Variants in INTS3 observed in about 807,000 individuals in gnomAD.
INTS3 encodes the protein SOSS complex subunit A.
A neutral mutation model predicts 146.3 loss-of-function variants in INTS3; 34 were observed. The ratio of observed to expected loss-of-function variants is 0.23; its 90% confidence interval spans 0.18 to 0.31. The LOEUF (loss-of-function observed/expected upper bound fraction) is 0.31, where lower values mean the gene tolerates loss of function less well. Ranked by LOEUF, INTS3 falls within the 10% of genes least tolerant of loss-of-function variation. The pLI is 1.00. For synonymous variants in INTS3, 475 were observed against 494.9 expected (o/e 0.96, Z 0.53); for missense variants, 757 against 1,304.2 (o/e 0.58, Z 6.46).
intron 1 of INTS3, among the ~76,000 whole-genome samples, chr1:153,734,896 T>C (rs1368240811): frequency 6.6e-6 from 1 of 152,194 alleles, no homozygotes. Flanking sequence ...AGAAGTAGTG[T>C]CTGGGAGTGG....
intron 8 of INTS3, among the ~76,000 whole-genome samples, chr1:153,752,862 T>C (rs1308791820): frequency 6.6e-6 from 1 of 152,126 alleles, no homozygotes; most frequent in Admixed American, 6.5e-5. Context: ...GGATCCAGCT[T>C]GGGCAAAATC....
chr1:153,768,246 C>T (rs1256284064), intron 21 of INTS3, among the ~76,000 whole-genome samples: 1 of 152,190 alleles, frequency 6.6e-6, no homozygotes, highest in Non-Finnish European at 1.5e-5. Flanking sequence ...CTTTCATTTC[C>T]CCTGGTTCAC....
At chr1:153,734,757 C>T (rs892553025) in intron 1 of INTS3, among the ~76,000 whole-genome samples, 1 of 152,126 alleles carries the variant, frequency 6.6e-6, no homozygotes, top group African/African-American at 2.4e-5. Context: ...CTACCTTTTC[C>T]TCTTGTCTCC....
At chr1:153,759,477 G>A (rs746667452) in intron 10 of INTS3, 49 bp from the exon 11 acceptor site, 16 of 1,212,648 alleles carry the variant, frequency 1.3e-5, no homozygotes, top group Non-Finnish European at 1.8e-5. Flanking sequence ...TGAAATGGAG[G>A]GGGGTGATTG....
At chr1:153,731,970 C>G (rs1416459077) in intron 1 of INTS3, among the ~76,000 whole-genome samples, 4 of 122,040 alleles carry the variant, frequency 3.3e-5, no homozygotes, top group African/African-American at 6.5e-5. Flanking sequence ...TGCAGTGGCG[C>G]GATCTTGGCT....
At position 153,772,848 on chromosome 1, in the gene INTS3, G is replaced by A. The variant is rs1043503149; in HGVS notation, c.2895-77G>A. 1.9e-6 allele frequency: 3 copies of A among 1,598,454 alleles called. No individual in the cohort carries two copies. The highest frequency in any genetic ancestry group is 2.6e-6 in the Non-Finnish European group (3 of 1,168,828). On this transcript the variant is annotated intron_variant, in intron 28 of 29. Coordinates refer to ENST00000318967, the MANE Select transcript of INTS3 (RefSeq NM_023015.5). This position sits in a 1 kb window ranked among gnomAD's most constrained non-coding sequence, Gnocchi z 4.6. ...TTGAAGAAAAAGAAGGCCTAGGCCT[G>A]GGGGCAGAGAAGAGGATGGGAGGTG...
At chr1:153,744,088 C>A (rs1356026718) in intron 3 of INTS3, among the ~76,000 whole-genome samples, 2 of 147,398 alleles carry the variant, frequency 1.4e-5, no homozygotes, top group African/African-American at 5.2e-5. Flanking sequence ...TGTGTTTCAT[C>A]TGCTGCTTTT....
chr1:153,732,192 C>A (rs903147002), intron 1 of INTS3, among the ~76,000 whole-genome samples: 1 of 151,704 alleles, frequency 6.6e-6, no homozygotes, highest in African/African-American at 2.4e-5. Context: ...CATGAGCCAC[C>A]GAGCCTGGCC....
Position 153,773,353 on chromosome 1 carries a change from T to A in INTS3, c.*83T>A. On this transcript the variant is annotated 3_prime_UTR_variant, in exon 30 of 30. Coordinates refer to ENST00000318967, the MANE Select transcript of INTS3 (RefSeq NM_023015.5). ...AAAGGTTAATAGAGGCTGAGGAGATTGCAGGGGAAACACCCTTGCTGCATC... is the reference window on the plus strand; with the variant it reads ...AAAGGTTAATAGAGGCTGAGGAGATAGCAGGGGAAACACCCTTGCTGCATC... 7.7e-7 allele frequency: 1 copy of A among 1,300,806 alleles called. No individual in the cohort carries two copies. Among genetic ancestry groups the A allele is most frequent in the Non-Finnish European group, 1.1e-6 (1 of 896,048 alleles). 80.6% of individuals were successfully genotyped at this position (1,300,806 alleles called of 1,614,324 possible).
intron 9 of INTS3, 145 bp downstream of exon 9, chr1:153,754,884 T>C (rs557109878): frequency 2.1e-5 from 14 of 651,892 alleles, no homozygotes; most frequent in Non-Finnish European, 3.9e-5. Context: ...CTGGCTTCTT[T>C]GTCCTTTATT....
At position 153,759,380 on chromosome 1, in the gene INTS3, G is replaced by A. The variant is rs535296490; in HGVS notation, c.1150-146G>A. The stretch of plus-strand genomic sequence containing the variant: ...AGTATTCACTCATACACAACACAAG[G>A]GGGGTTAGCATTTCACCGTGTTTCA... On this transcript the variant is annotated intron_variant, in intron 10 of 29. Coordinates refer to ENST00000318967, the MANE Select transcript of INTS3 (RefSeq NM_023015.5). 165 of 700,024 alleles carry A rather than the reference G, an allele frequency of 2.4e-4. No homozygotes were observed. The African/African-American group carries it at 2.6e-3, about 11-fold the overall frequency. The allele number at this position is 700,024 out of a possible 1,614,324, so 43.4% of individuals were successfully genotyped here. A position where few individuals can be genotyped will look rare whatever the true frequency, so the allele number is the denominator to read the frequency against.
At chr1:153,741,447 G>T (rs1261615289) in intron 3 of INTS3, 79 bp downstream of exon 3, 4 of 1,063,766 alleles carry the variant, frequency 3.8e-6, no homozygotes, top group Non-Finnish European at 5.9e-6. Context: ...TTTAACTGGG[G>T]TAGTATGAAA....
At chr1:153,760,478 C>T (rs1483046184) in intron 12 of INTS3, 88 bp downstream of exon 12, 14 of 1,123,124 alleles carry the variant, frequency 1.2e-5, no homozygotes, top group Non-Finnish European at 1.3e-5. Flanking sequence ...CGGGTCTTCT[C>T]GGTATGCCTT....
At chr1:153,754,595 TG>T in intron 8 of INTS3, 46 bp from the exon 9 acceptor site, 1 of 1,306,992 alleles carries the variant, frequency 7.7e-7, no homozygotes, top group Non-Finnish European at 1.1e-6. Flanking sequence ...TCATTCTTTC[TG>T]GTCCTTAGGC....
At chr1:153,746,502 A>G (rs973658910) in intron 3 of INTS3, among the ~76,000 whole-genome samples, 2 of 152,008 alleles carry the variant, frequency 1.3e-5, no homozygotes, top group South Asian at 4.1e-4. Context: ...CCGGGCTCAC[A>G]CCATTCTCCT....
chr1:153,758,152 A>C (rs970714880), intron 10 of INTS3, among the ~76,000 whole-genome samples: 8 of 152,166 alleles, frequency 5.3e-5, no homozygotes, highest in African/African-American at 1.9e-4. Flanking sequence ...AGCTTTGTCT[A>C]CTTCCCTTCT....
Position 153,764,210 on chromosome 1 carries a change from G to T in INTS3, c.1914G>T (p.Glu638Asp), listed in dbSNP as rs1286272145. 1 of 1,611,876 alleles carries T rather than the reference G, an allele frequency of 6.2e-7. No individual in the cohort carries two copies. The highest frequency in any genetic ancestry group is 1.7e-5 in the Admixed American group (1 of 60,012). Residue 638 changes from glutamate (E) to aspartate (D), a missense_variant, in exon 18 of 30, where the codon GAG becomes GAT. Glu to Asp is a conservative substitution (Grantham distance 45). Around this residue, in one of 8 missense-constraint regions of INTS3, gnomAD observed 89 missense variants for 210.9 expected, o/e 0.42. Coordinates refer to ENST00000318967, the MANE Select transcript of INTS3 (RefSeq NM_023015.5). Reference protein sequence around the residue: ...AHFRGEVLPEEITEESLEESV... With the variant: ...AHFRGEVLPEDITEESLEESV... ...TTCGAGGGGAGGTCCTGCCTGAGGA[G>T]ATTACTGAGGAGTAAGGCTGATTTT...
chr1:153,746,009 G>A (rs957356451), intron 3 of INTS3, among the ~76,000 whole-genome samples: 1 of 152,158 alleles, frequency 6.6e-6, no homozygotes, highest in Non-Finnish European at 1.5e-5. Flanking sequence ...GAAGTTCGAA[G>A]CTGCAATGAG....
chr1:153,763,960 A>G, intron 17 of INTS3, 74 bp downstream of exon 17: 3 of 1,461,724 alleles, frequency 2.1e-6, no homozygotes, highest in Non-Finnish European at 1.9e-6. Flanking sequence ...AGGGAAGACA[A>G]CTCACTTTTT....
Sources: gnomAD v4.1 joint callset for allele counts (sites outside exome capture counted in the v4.1 genomes callset) on GRCh38, gnomAD v4.1.1 for gene constraint, gnomAD v4.1.1 regional missense constraint, Gnocchi (gnomAD v3.1) non-coding constraint, MANE v1.5 for transcripts, NCBI Gene and HGNC (gene_info 2026-07-23, HGNC 2026-07-21) for gene names.